ENTREP2: variants seen among roughly 807,000 people sequenced by gnomAD.
ENTREP2 encodes the protein endosomal transmembrane epsin interactor 2, also known as protein ENTREP2.
the ENTREP2 span, among the ~76,000 whole-genome samples, chr15:29,646,955 T>C: frequency 1.2e-3 from 186 of 152,292 alleles, no homozygotes; most frequent in African/African-American, 4.2e-3. Context: ...TTGACCACCA[T>C]ATGAGGACCA....
the ENTREP2 span, among the ~76,000 whole-genome samples, chr15:29,141,569 C>T: frequency 3.3e-5 from 5 of 152,154 alleles, no homozygotes; most frequent in African/African-American, 1.2e-4. Context: ...GTCTGCTCAC[C>T]TCCCTTTATA....
At chr15:29,388,674 T>C in the ENTREP2 span, among the ~76,000 whole-genome samples, 505 of 152,274 alleles carry the variant, frequency 3.3e-3, 4 homozygotes, top group Non-Finnish European at 5.7e-3. Context: ...CACACGTTTA[T>C]TGCAGCACTA....
At chr15:29,293,554 C>T in the ENTREP2 span, among the ~76,000 whole-genome samples, 1 of 152,148 alleles carries the variant, frequency 6.6e-6, no homozygotes, top group African/African-American at 2.4e-5. Context: ...CCGCGCCCGG[C>T]CAAATTTATT....
chr15:29,587,211 A>G, the ENTREP2 span, among the ~76,000 whole-genome samples: 3 of 150,724 alleles, frequency 2.0e-5, 1 homozygote, highest in South Asian at 4.2e-4. Flanking sequence ...TGTCCACTGA[A>G]AAAATCTAGA....
At chr15:29,504,486 T>C in the ENTREP2 span, among the ~76,000 whole-genome samples, 3 of 152,212 alleles carry the variant, frequency 2.0e-5, no homozygotes, top group African/African-American at 7.2e-5. Flanking sequence ...GAAATTCCTC[T>C]TTGTTTACAG....
At chr15:29,320,262 T>G in the ENTREP2 span, among the ~76,000 whole-genome samples, 1 of 151,982 alleles carries the variant, frequency 6.6e-6, no homozygotes, top group South Asian at 2.1e-4. Flanking sequence ...AAATTACAGT[T>G]GAAGGAGCTG....
At chr15:29,520,110 G>A in the ENTREP2 span, among the ~76,000 whole-genome samples, 1 of 152,292 alleles carries the variant, frequency 6.6e-6, no homozygotes, top group East Asian at 1.9e-4. Context: ...CCTGTTGGTG[G>A]ACTCTCTTCA....
At chr15:29,434,021 A>G in the ENTREP2 span, among the ~76,000 whole-genome samples, 62,716 of 152,018 alleles carry the variant, frequency 0.41, 13,212 homozygotes, top group African/African-American at 0.48. Flanking sequence ...CCCTCTGTCT[A>G]TCCTAGAGAA....
the ENTREP2 span, among the ~76,000 whole-genome samples, chr15:29,514,123 TGTACA>T: frequency 1.1e-3 from 161 of 152,346 alleles, no homozygotes; most frequent in African/African-American, 3.8e-3. Context: ...CATTTTTAAG[TGTACA>T]GTACTATAGT....
the ENTREP2 span, among the ~76,000 whole-genome samples, chr15:29,567,024 C>G: frequency 6.6e-6 from 1 of 152,176 alleles, no homozygotes; most frequent in Non-Finnish European, 1.5e-5. Context: ...GATAACTATT[C>G]AAGACCTCCA....
chr15:29,607,837 CAGACAGATAGATAGATAT>C, the ENTREP2 span, among the ~76,000 whole-genome samples: 2 of 131,262 alleles, frequency 1.5e-5, no homozygotes, highest in Non-Finnish European at 3.4e-5. Flanking sequence ...GACAGACAGA[CAGACAGATAGATAGATAT>C]AGATAGATAG....
the ENTREP2 span, among the ~76,000 whole-genome samples, chr15:29,654,314 T>G: frequency 5.3e-5 from 8 of 152,154 alleles, no homozygotes; most frequent in Non-Finnish European, 7.4e-5. Context: ...AAACTAAAAT[T>G]TGGACCAATT....
chr15:29,648,897 C>A, the ENTREP2 span, among the ~76,000 whole-genome samples: 5 of 151,900 alleles, frequency 3.3e-5, no homozygotes, highest in African/African-American at 7.3e-5. Context: ...CAAGACTGTG[C>A]CATTGTACTC....
chr15:29,620,872 TGATCA>T, the ENTREP2 span, among the ~76,000 whole-genome samples: 2 of 152,032 alleles, frequency 1.3e-5, no homozygotes, highest in South Asian at 2.1e-4. Flanking sequence ...CCCTCTCATT[TGATCA>T]GTTCATTTAT....
At chr15:29,494,186 G>C in the ENTREP2 span, among the ~76,000 whole-genome samples, 1 of 145,102 alleles carries the variant, frequency 6.9e-6, no homozygotes, top group Non-Finnish European at 1.5e-5. Flanking sequence ...CCTAATACGA[G>C]TTTGGAAAGA....
the ENTREP2 span, among the ~76,000 whole-genome samples, chr15:29,419,509 A>C: frequency 1.3e-5 from 2 of 152,204 alleles, no homozygotes; most frequent in Admixed American, 1.3e-4. Flanking sequence ...GGCCTAGTGT[A>C]TGTGATTCAA....
chr15:29,365,681 G>A, the ENTREP2 span, among the ~76,000 whole-genome samples: 103 of 151,802 alleles, frequency 6.8e-4, no homozygotes, highest in Admixed American at 1.2e-3. Context: ...ATACAGAGCC[G>A]CTTTTAGTAT....
chr15:29,191,529 G>A, the ENTREP2 span, among the ~76,000 whole-genome samples: 1 of 152,066 alleles, frequency 6.6e-6, no homozygotes, highest in Admixed American at 6.6e-5. Flanking sequence ...GACAGAAGGA[G>A]CCGAGGAGGG....
chr15:29,665,302 T>C, the ENTREP2 span, among the ~76,000 whole-genome samples: 7,824 of 152,332 alleles, frequency 0.051, 580 homozygotes, highest in African/African-American at 0.17. Context: ...ATGCCCTGAA[T>C]ACCACTTACA....
Sources: allele counts gnomAD v4.1 joint callset (sites outside exome capture counted in the v4.1 genomes callset), GRCh38; gene constraint gnomAD v4.1.1; transcripts MANE v1.5; gene names NCBI Gene and HGNC (gene_info 2026-07-23, HGNC 2026-07-21).